ELF2: variants seen among roughly 807,000 people sequenced by gnomAD.
ELF2 encodes ETS-related transcription factor Elf-2.
ELF2 carries 11 observed loss-of-function variants against 54.8 expected under a neutral mutation model. The ratio of observed to expected loss-of-function variants is 0.20; its 90% CI spans 0.13 to 0.33. The LOEUF is 0.33. Among genes scored for constraint, ELF2 ranks in the 10% least tolerant of loss-of-function variants. The probability of loss-of-function intolerance (pLI) is 1.00; values close to 1 mark genes in which losing one functional copy is unlikely to be tolerated. For synonymous variants in ELF2, 203 were observed against 245.1 expected, an observed-to-expected ratio of 0.83 and a Z score of 1.61; for missense variants, 513 against 703.0, an observed-to-expected ratio of 0.73 and a Z score of 3.06.
At chr4:139,103,493 C>T (rs1043766802) in intron 4 of ELF2, among the ~76,000 whole-genome samples, 3 of 152,212 alleles carry the variant, frequency 2.0e-5, no homozygotes, top group African/African-American at 7.2e-5. Flanking sequence ...TCCATAAAAA[C>T]CCAAAACGAA....
intron 1 of ELF2, among the ~76,000 whole-genome samples, chr4:139,150,171 A>G (rs1560869420): frequency 6.6e-6 from 1 of 152,084 alleles, no homozygotes; most frequent in Non-Finnish European, 1.5e-5. Flanking sequence ...AAAACCCCTA[A>G]AAATACTAAT....
chr4:139,059,630 G>T (rs368719222), intron 9 of ELF2, 23 bp from the exon 10 acceptor site: 1 of 1,589,544 alleles, frequency 6.3e-7, no homozygotes, highest in South Asian at 1.1e-5. Flanking sequence ...AAAGAAAAAA[G>T]CTGATTATAT....
chr4:139,114,642 C>CT (rs59282364), intron 4 of ELF2, among the ~76,000 whole-genome samples: 1,903 of 104,804 alleles, frequency 0.018, 118 homozygotes, highest in African/African-American at 0.064. Context: ...TTTTTTCTTT[C>CT]TTTTTTTTTT....
chr4:139,114,885 A>C, intron 4 of ELF2: 2 of 1,607,718 alleles, frequency 1.2e-6, no homozygotes, highest in Admixed American at 3.3e-5. Context: ...GTTGGGGGGC[A>C]GCGATTGTCC....
chr4:139,060,787 T>G, intron 8 of ELF2, 113 bp from the exon 9 acceptor site: 18 of 858,732 alleles, frequency 2.1e-5, no homozygotes, highest in Non-Finnish European at 2.7e-5. Context: ...CCCTTATCTC[T>G]AATAACAGAT....
At chr4:139,086,443 AGAT>A (rs1731990003) in intron 4 of ELF2, among the ~76,000 whole-genome samples, 1 of 152,264 alleles carries the variant, frequency 6.6e-6, no homozygotes, top group Non-Finnish European at 1.5e-5. Context: ...CAAAGAAAAA[AGAT>A]GAATTATTTC....
In ELF2 at chr4:139,174,216, AAAAAAAGAAAG is replaced by A. The variant is rs1374478113; in HGVS notation, c.-252+2740_-252+2750del. ...AGCGAGACTCCATCTTAAAAAAAAA[AAAAAAAGAAAG>A]AAAGAAAATAGATTTTAAAAAAAAA... On this transcript the variant is annotated intron_variant, in intron 1 of 9. Coordinates refer to ENST00000686138, the MANE Select transcript of ELF2 (RefSeq NM_001331036.3). Among the ~76,000 whole-genome samples the A allele has an allele frequency of 3.3e-5, 5 of 150,644 alleles. No homozygotes were observed. The East Asian group carries it at 9.6e-4, about 29-fold the overall frequency.
chr4:139,079,194 T>C (rs754019494), intron 4 of ELF2, among the ~76,000 whole-genome samples: 4 of 152,126 alleles, frequency 2.6e-5, no homozygotes, highest in African/African-American at 9.7e-5. Context: ...CCTCCCAAAG[T>C]GCTGGGATTA....
chr4:139,175,352 C>T (rs1208241838), intron 1 of ELF2, among the ~76,000 whole-genome samples: 1 of 152,138 alleles, frequency 6.6e-6, no homozygotes, highest in Non-Finnish European at 1.5e-5. Flanking sequence ...AATCACTAAA[C>T]TTAAAAATAG....
At chr4:139,080,561 T>C (rs889428075) in intron 4 of ELF2, among the ~76,000 whole-genome samples, 21 of 152,086 alleles carry the variant, frequency 1.4e-4, no homozygotes, top group Non-Finnish European at 2.5e-4. Context: ...ACTGCATTGT[T>C]GACCAAAACT....
intron 4 of ELF2, among the ~76,000 whole-genome samples, chr4:139,120,217 G>A (rs190631218): frequency 5.3e-5 from 8 of 152,174 alleles, no homozygotes; most frequent in Non-Finnish European, 7.4e-5. Flanking sequence ...ATGAACAAGC[G>A]TCAAAAAGCA....
chr4:139,060,886 T>C (rs1727739674), intron 8 of ELF2, among the ~76,000 whole-genome samples: 1 of 152,218 alleles, frequency 6.6e-6, no homozygotes, highest in Non-Finnish European at 1.5e-5. Flanking sequence ...GCCAAGGTCC[T>C]ACAAACTTAA....
At chr4:139,092,409 T>TAACAAAACA (rs879660732) in intron 4 of ELF2, among the ~76,000 whole-genome samples, 1 of 82,638 alleles carries the variant, frequency 1.2e-5, no homozygotes, top group Non-Finnish European at 2.5e-5. Flanking sequence ...TAACATAACA[T>TAACAAAACA]AACATACATA....
chr4:139,123,181 T>C (rs1226052639), intron 4 of ELF2, among the ~76,000 whole-genome samples: 3 of 142,080 alleles, frequency 2.1e-5, no homozygotes, highest in Non-Finnish European at 4.6e-5. Context: ...AGACTCTGTC[T>C]CAAAAAAAAA....
chr4:139,091,972 C>CTATATATA (rs1560799838), intron 4 of ELF2, among the ~76,000 whole-genome samples: 8 of 148,158 alleles, frequency 5.4e-5, no homozygotes, highest in African/African-American at 1.7e-4. Context: ...CATATATACA[C>CTATATATA]TACATATATA....
rs556990337 is a variant in ELF2, at chr4:139,092,178, A to T, written c.239-18611T>A. Among the ~76,000 whole-genome samples the T allele has an allele frequency of 2.3e-4, 35 of 150,718 alleles. 1 individual carries two copies. In the South Asian group the frequency reaches 7.2e-3, roughly 31 times the overall value. On this transcript the variant is annotated intron_variant, in intron 4 of 9. Coordinates refer to ENST00000686138, the MANE Select transcript of ELF2 (RefSeq NM_001331036.3). ...GGAGTTCAAGACCAGCCTGGCAAAC[A>T]TGGTGAAACCTCGTCTCTACTAAAA...
At chr4:139,061,177 ATTTTTT>A (rs554564096) in intron 8 of ELF2, among the ~76,000 whole-genome samples, 1 of 140,024 alleles carries the variant, frequency 7.1e-6, no homozygotes. Context: ...CAAACTGATA[ATTTTTT>A]TTTTTTTTTT....
At chr4:139,114,877 T>G in intron 4 of ELF2, 1 of 1,605,830 alleles carries the variant, frequency 6.2e-7, no homozygotes, top group Non-Finnish European at 8.5e-7. Context: ...GCTACGAGGT[T>G]GGGGGGCAGC....
intron 4 of ELF2, 23 bp downstream of exon 4, chr4:139,125,141 T>C (rs1281545136): frequency 3.2e-6 from 5 of 1,586,848 alleles, no homozygotes; most frequent in Non-Finnish European, 4.3e-6. Context: ...TTATAAATAA[T>C]GAACATTTTA....
Sources: allele counts gnomAD v4.1 joint callset (sites outside exome capture counted in the v4.1 genomes callset), GRCh38; gene constraint gnomAD v4.1.1; transcripts MANE v1.5; gene names NCBI Gene and HGNC (gene_info 2026-07-23, HGNC 2026-07-21).